Variants in FHOD3 observed in about 807,000 individuals in gnomAD.
FHOD3 encodes the protein formin homology 2 domain containing 3, also known as FH1/FH2 domain-containing protein 3.
FHOD3 carries 90 observed loss-of-function variants against 173.0 expected under a neutral mutation model. The observed-to-expected ratio is 0.52, with a 90% confidence interval of 0.44 to 0.62. The LOEUF is 0.62. Among genes scored for constraint, FHOD3 ranks in the 20% least tolerant of loss-of-function variants. FHOD3 has a pLI of 0.00. For missense variants in FHOD3, 1,945 were observed against 2,034.7 expected (o/e 0.96, Z 0.85); for synonymous variants, 828 against 823.0 (o/e 1.01, Z -0.10).
In FHOD3 at chr18:36,717,915, A is replaced by G. The variant is rs371457682; in HGVS notation, c.2617A>G (p.Met873Val). Residue 873 changes from methionine to valine, a missense_variant, in exon 19 of 29, where the codon ATG becomes GTG. Met to Val is a conservative substitution (Grantham distance 21). Coordinates refer to ENST00000590592, the MANE Select transcript of FHOD3 (RefSeq NM_001281740.3). ...CACCAACAAACGGTTCATGCTTGACATGCTGTATGCCCATAACAGGAAGTC... is the reference window on the plus strand; with the variant it reads ...CACCAACAAACGGTTCATGCTTGACGTGCTGTATGCCCATAACAGGAAGTC... Reference protein sequence around the residue: ...ILTNKRFMLDMLYAHNRKSPD... With the variant: ...ILTNKRFMLDVLYAHNRKSPD... The G allele has an allele frequency of 3.7e-6, 6 of 1,613,746 alleles. No homozygotes were observed. The South Asian group carries it at 4.4e-5, about 12-fold the overall frequency.
At chr18:36,462,590 A>G (rs2052624598) in intron 3 of FHOD3, among the ~76,000 whole-genome samples, 1 of 152,058 alleles carries the variant, frequency 6.6e-6, no homozygotes, top group Non-Finnish European at 1.5e-5. Context: ...TCGGCATCCC[A>G]AAGTGCTAGG....
chr18:36,644,417 A>G (rs1358671284), intron 10 of FHOD3, among the ~76,000 whole-genome samples: 2 of 152,234 alleles, frequency 1.3e-5, no homozygotes, highest in Non-Finnish European at 2.9e-5. Flanking sequence ...TCAAGCCTCG[A>G]AAGTCCTGTG....
At chr18:36,699,665 T>C (rs1346489171) in intron 17 of FHOD3, among the ~76,000 whole-genome samples, 1 of 152,202 alleles carries the variant, frequency 6.6e-6, no homozygotes, top group Non-Finnish European at 1.5e-5. Context: ...GCAGCCCTGC[T>C]TTCCCCCATC....
At chr18:36,308,145 T>C (rs1003123764) in intron 1 of FHOD3, among the ~76,000 whole-genome samples, 10 of 152,242 alleles carry the variant, frequency 6.6e-5, no homozygotes, top group African/African-American at 2.4e-4. Flanking sequence ...GATTGAACTA[T>C]TGGAGGTTTA....
chr18:36,502,918 G>A (rs535564752), intron 4 of FHOD3, among the ~76,000 whole-genome samples: 1 of 152,314 alleles, frequency 6.6e-6, no homozygotes, highest in African/African-American at 2.4e-5. Context: ...ATAGGTGTAG[G>A]CATAGCTGGT....
chr18:36,742,893 T>A (rs775520606), intron 22 of FHOD3, 37 bp downstream of exon 22: 2 of 1,591,004 alleles, frequency 1.3e-6, no homozygotes, highest in Admixed American at 1.8e-5. Flanking sequence ...TAGCCCCCCC[T>A]TGTCACAAAA....
intron 24 of FHOD3, among the ~76,000 whole-genome samples, chr18:36,749,999 T>A (rs2042334437): frequency 6.6e-6 from 1 of 152,080 alleles, no homozygotes; most frequent in Non-Finnish European, 1.5e-5. Context: ...TTAAAAAGTG[T>A]CTGTTCGGGG....
intron 8 of FHOD3, among the ~76,000 whole-genome samples, chr18:36,607,305 G>A (rs2032189426): frequency 1.3e-5 from 2 of 152,182 alleles, no homozygotes; most frequent in South Asian, 4.1e-4. Flanking sequence ...GAGCAGCAAG[G>A]CCTGCTTGAG....
Position 36,718,622 on chromosome 18 carries a change from A to G in FHOD3, c.3324A>G (p.Glu1108=). The part of the protein sequence containing the change: ...WPCKNNRRCR[E]FLWSKLEPIK... Reference sequence around the variant, plus strand: ...GTAAAAACAACCGACGCTGCAGAGAATTCCTGTGGTCAAAACTGGAACCCA... The same window carrying G: ...GTAAAAACAACCGACGCTGCAGAGAGTTCCTGTGGTCAAAACTGGAACCCA... The change falls in exon 19 of 29, where the codon GAA becomes GAG. Residue 1108 remains glutamate (E), a synonymous_variant. Coordinates refer to ENST00000590592, the MANE Select transcript of FHOD3 (RefSeq NM_001281740.3). The G allele has an allele frequency of 6.2e-7, 1 of 1,614,156 alleles. No homozygotes were observed. The highest frequency in any genetic ancestry group is 8.5e-7 in the Non-Finnish European group (1 of 1,180,030).
chr18:36,753,112 T>C (rs945717004), intron 24 of FHOD3, among the ~76,000 whole-genome samples: 15 of 152,288 alleles, frequency 9.8e-5, no homozygotes, highest in African/African-American at 2.9e-4. Flanking sequence ...GAGCCATCCA[T>C]GCAGCTGTCA....
In FHOD3 at chr18:36,549,704, ATT is replaced by A. The variant is rs566130762; in HGVS notation, c.512-26731_512-26730del. On this transcript the variant is annotated intron_variant, in intron 5 of 28. Transcript: ENST00000590592. ...AGGCGCCCTCCACCATGCCTGGCTAATTTTTTTTTTTTTTTTTGTATTTTTAG... is the reference window on the plus strand; with the variant it reads ...AGGCGCCCTCCACCATGCCTGGCTAATTTTTTTTTTTTTTTGTATTTTTAG... Among the ~76,000 whole-genome samples the A allele has an allele frequency of 1.1e-3, 138 of 129,398 alleles. 1 individual carries two copies. The highest frequency in any genetic ancestry group is 3.3e-3 in the African/African-American group (115 of 34,888). The allele number at this position is 129,398 out of a possible 152,430, so 84.9% of individuals were successfully genotyped here.
At chr18:36,435,371 T>C (rs2050758908) in intron 3 of FHOD3, among the ~76,000 whole-genome samples, 1 of 152,112 alleles carries the variant, frequency 6.6e-6, no homozygotes, top group Non-Finnish European at 1.5e-5. Flanking sequence ...AAACAAATTA[T>C]TGAAAACAAA....
intron 1 of FHOD3, among the ~76,000 whole-genome samples, chr18:36,313,673 A>G (rs2092305176): frequency 6.6e-6 from 1 of 152,158 alleles, no homozygotes; most frequent in South Asian, 2.1e-4. Flanking sequence ...CCATTCACTC[A>G]CTGAAAGACA....
At chr18:36,764,366 C>A (rs2043050034) in intron 27 of FHOD3, among the ~76,000 whole-genome samples, 1 of 152,028 alleles carries the variant, frequency 6.6e-6, no homozygotes, top group Non-Finnish European at 1.5e-5. Context: ...CTTGTGGCAC[C>A]CAAAAAGGCC....
intron 20 of FHOD3, among the ~76,000 whole-genome samples, chr18:36,733,973 C>T (rs1274513628): frequency 6.6e-6 from 1 of 152,018 alleles, no homozygotes; most frequent in Non-Finnish European, 1.5e-5. Flanking sequence ...GGTGGCTGGC[C>T]CTGGAGGGGC....
intron 3 of FHOD3, among the ~76,000 whole-genome samples, chr18:36,480,499 A>G (rs1410391127): frequency 1.3e-5 from 2 of 152,224 alleles, no homozygotes; most frequent in Non-Finnish European, 2.9e-5. Flanking sequence ...GCTCTTGCCT[A>G]CACCTTCAAG....
chr18:36,429,884 G>A (rs553320807), intron 3 of FHOD3, among the ~76,000 whole-genome samples: 12 of 152,026 alleles, frequency 7.9e-5, no homozygotes, highest in Non-Finnish European at 1.6e-4. Flanking sequence ...GCAGATCTGC[G>A]GGCAGGTCTG....
intron 28 of FHOD3, among the ~76,000 whole-genome samples, chr18:36,775,791 T>A (rs2043605035): frequency 6.6e-6 from 1 of 152,214 alleles, no homozygotes; most frequent in Admixed American, 6.5e-5. Flanking sequence ...CCACCATCAC[T>A]TTGACACCGT....
At chr18:36,349,785 T>C (rs1331809961) in intron 1 of FHOD3, among the ~76,000 whole-genome samples, 1 of 152,180 alleles carries the variant, frequency 6.6e-6, no homozygotes, top group African/African-American at 2.4e-5. Context: ...CCTTTCTTTT[T>C]TTTCTTTAGA....
Sources: gnomAD v4.1 joint callset for allele counts (sites outside exome capture counted in the v4.1 genomes callset) on GRCh38, gnomAD v4.1.1 for gene constraint, MANE v1.5 for transcripts, NCBI Gene and HGNC (gene_info 2026-07-23, HGNC 2026-07-21) for gene names.